AUTS2: variants seen among roughly 807,000 people sequenced by gnomAD.
AUTS2 encodes activator of transcription and developmental regulator AUTS2, also known as autism susceptibility gene 2 protein.
In AUTS2, 17 loss-of-function variants were observed where a neutral mutation model predicts 112.4. That is an observed-to-expected ratio of 0.15 (90% CI 0.10 to 0.23). The LOEUF is 0.23. Ranked by LOEUF, AUTS2 falls within the 10% of genes least tolerant of loss-of-function variation. The probability of loss-of-function intolerance (pLI) is 1.00; values close to 1 mark genes in which losing one functional copy is unlikely to be tolerated. For synonymous variants in AUTS2, 751 were observed against 702.7 expected, an observed-to-expected ratio of 1.07 and a Z score of -1.09; for missense variants, 1,510 against 1,701.6, an observed-to-expected ratio of 0.89 and a Z score of 1.98.
intron 5 of AUTS2, among the ~76,000 whole-genome samples, chr7:70,697,835 C>T (rs1388439772): frequency 1.3e-5 from 2 of 152,188 alleles, no homozygotes; most frequent in Non-Finnish European, 1.5e-5. Flanking sequence ...TTCAAACCGA[C>T]TTCCATGTTT....
At chr7:70,646,879 G>T (rs1030665977) in intron 5 of AUTS2, among the ~76,000 whole-genome samples, 6 of 152,204 alleles carry the variant, frequency 3.9e-5, no homozygotes, top group African/African-American at 1.2e-4. Context: ...TCAGAGGAGG[G>T]CCTTGCCAGT....
intron 4 of AUTS2, among the ~76,000 whole-genome samples, chr7:70,157,051 C>T (rs931233795): frequency 4.0e-5 from 6 of 151,008 alleles, no homozygotes; most frequent in Admixed American, 6.6e-5. Context: ...CACTCCAGCC[C>T]GGGTGACACA....
Position 70,774,155 on chromosome 7 carries a change from G to A in AUTS2, c.1902+56G>A, listed in dbSNP as rs779466182. 5.6e-5 allele frequency: 86 copies of A among 1,525,318 alleles called. 1 individual carries two copies. The highest frequency in any genetic ancestry group is 1.8e-4 in the Middle Eastern group (1 of 5,600). The allele number at this position is 1,525,318 out of a possible 1,614,324, so 94.5% of individuals were successfully genotyped here. On this transcript the variant is annotated intron_variant, in intron 12 of 18. Coordinates refer to ENST00000342771, the MANE Select transcript of AUTS2 (RefSeq NM_015570.4). The stretch of plus-strand genomic sequence containing the variant: ...AACACCAGGGTGTGTGTGTTTGCAC[G>A]GGACGGCCAGCCCAGTGCTCGCATC...
intron 4 of AUTS2, among the ~76,000 whole-genome samples, chr7:70,168,702 G>A (rs368492233): frequency 3.3e-5 from 5 of 152,092 alleles, no homozygotes; most frequent in Admixed American, 6.5e-5. Flanking sequence ...ATGAATTCTC[G>A]ATATGTATTG....
At chr7:70,446,022 G>A (rs1585154393) in intron 5 of AUTS2, among the ~76,000 whole-genome samples, 1 of 151,958 alleles carries the variant, frequency 6.6e-6, no homozygotes, top group African/African-American at 2.4e-5. Context: ...TTCTTCCTAC[G>A]ACCCCACACA....
At chr7:69,923,101 C>T (rs866535750) in intron 2 of AUTS2, among the ~76,000 whole-genome samples, 4 of 152,134 alleles carry the variant, frequency 2.6e-5, no homozygotes, top group South Asian at 2.1e-4. Context: ...CTTTTCTTTT[C>T]CAAAAGGTAT....
intron 4 of AUTS2, among the ~76,000 whole-genome samples, chr7:70,351,699 T>A (rs558975634): frequency 6.6e-6 from 1 of 152,192 alleles, no homozygotes; most frequent in South Asian, 2.1e-4. Flanking sequence ...TTCTTTTTCT[T>A]TTTTCTTTTT....
At chr7:70,032,068 A>C (rs550013192) in intron 2 of AUTS2, among the ~76,000 whole-genome samples, 1 of 152,210 alleles carries the variant, frequency 6.6e-6, no homozygotes, top group South Asian at 2.1e-4. Flanking sequence ...GCACCAACTA[A>C]GTTCTTCTCA....
At chr7:70,167,634 C>T (rs546453830) in intron 4 of AUTS2, among the ~76,000 whole-genome samples, 37 of 152,258 alleles carry the variant, frequency 2.4e-4, no homozygotes, top group African/African-American at 8.9e-4. Flanking sequence ...ATGCACATGC[C>T]ATACTCATTG....
chr7:70,627,370 G>C (rs1424118843), intron 5 of AUTS2, among the ~76,000 whole-genome samples: 1 of 152,206 alleles, frequency 6.6e-6, no homozygotes, highest in Non-Finnish European at 1.5e-5. Flanking sequence ...TCAGTTGTTT[G>C]AGTTCCTTAT....
At chr7:69,653,792 A>G (rs2533437) in intron 1 of AUTS2, among the ~76,000 whole-genome samples, 129,063 of 152,152 alleles carry the variant, frequency 0.85, 54,983 homozygotes, top group African/African-American at 0.93. Context: ...CTTTACTTCT[A>G]TGTCCTCTCT....
intron 1 of AUTS2, among the ~76,000 whole-genome samples, chr7:69,756,030 C>T (rs1466573660): frequency 6.6e-6 from 1 of 152,168 alleles, no homozygotes; most frequent in Non-Finnish European, 1.5e-5. Flanking sequence ...GCTTTCTCAC[C>T]AGAGGTCACA....
At chr7:69,634,277 G>T (rs935469471) in intron 1 of AUTS2, among the ~76,000 whole-genome samples, 1 of 151,622 alleles carries the variant, frequency 6.6e-6, no homozygotes, top group African/African-American at 2.4e-5. Flanking sequence ...CCGCCATCAC[G>T]CCCGGCTAAT....
At chr7:70,270,377 C>T (rs1787633295) in intron 4 of AUTS2, among the ~76,000 whole-genome samples, 1 of 152,098 alleles carries the variant, frequency 6.6e-6, no homozygotes, top group Admixed American at 6.6e-5. Context: ...TTGAGAAGAG[C>T]ATTCAGGGCA....
chr7:69,656,533 G>A (rs1486824647), intron 1 of AUTS2, among the ~76,000 whole-genome samples: 1 of 152,102 alleles, frequency 6.6e-6, no homozygotes, highest in Non-Finnish European at 1.5e-5. Context: ...CATAGGGCAT[G>A]TTGGCCAGAT....
chr7:69,710,554 AG>A (rs1339413305), intron 1 of AUTS2, among the ~76,000 whole-genome samples: 1 of 152,214 alleles, frequency 6.6e-6, no homozygotes, highest in Non-Finnish European at 1.5e-5. Context: ...GGTTTTTACA[AG>A]AAAGCTAAAG....
chr7:70,161,850 T>C (rs1808092891), intron 4 of AUTS2, among the ~76,000 whole-genome samples: 1 of 152,132 alleles, frequency 6.6e-6, no homozygotes, highest in Non-Finnish European at 1.5e-5. Flanking sequence ...TTTTACAAAC[T>C]TTTCTAAAAG....
rs1163031326 is a variant in AUTS2 at position 70,174,560 on chromosome 7, A to G, written c.660+39989A>G. ...ATGACTTTCAAAGCTAGAAAGGAGA[A>G]GTCCCATGCCTAGCTTCAAAGGACA... is the stretch of plus-strand genomic sequence containing the variant. On this transcript the variant is annotated intron_variant, in intron 4 of 18. Transcript: ENST00000342771. Among the ~76,000 whole-genome samples, 9 of 152,224 alleles carry G rather than the reference A, an allele frequency of 5.9e-5. No individual in the cohort carries two copies. The South Asian group carries it at 1.7e-3, about 28-fold the overall frequency.
intron 2 of AUTS2, among the ~76,000 whole-genome samples, chr7:70,027,312 C>G (rs1347778989): frequency 6.6e-6 from 1 of 152,136 alleles, no homozygotes; most frequent in Non-Finnish European, 1.5e-5. Flanking sequence ...TCGGGTTTTC[C>G]TCATACTGGT....
Sources: allele counts gnomAD v4.1 joint callset (sites outside exome capture counted in the v4.1 genomes callset), GRCh38; gene constraint gnomAD v4.1.1; transcripts MANE v1.5; gene names NCBI Gene and HGNC (gene_info 2026-07-23, HGNC 2026-07-21).